Variants in ZDHHC18 observed in about 807,000 individuals in gnomAD.
The protein encoded by ZDHHC18 is palmitoyltransferase ZDHHC18.
ZDHHC18 carries 23 observed loss-of-function variants against 37.5 expected under a neutral mutation model. The ratio of observed to expected loss-of-function variants is 0.61; its 90% CI spans 0.44 to 0.87. The LOEUF is 0.87. Ranked by LOEUF, ZDHHC18 falls within the 40% of genes least tolerant of loss-of-function variation. The pLI is 0.00. For synonymous variants in ZDHHC18, 185 were observed against 218.7 expected, an observed-to-expected ratio of 0.85 and a Z score of 1.36; for missense variants, 406 against 525.6, an observed-to-expected ratio of 0.77 and a Z score of 2.22.
chr1:26,827,861 C>T (rs964545014), intron 1 of ZDHHC18, among the ~76,000 whole-genome samples: 1 of 152,146 alleles, frequency 6.6e-6, no homozygotes, highest in Non-Finnish European at 1.5e-5. Flanking sequence ...TCAGATCCCG[C>T]CCGCCTCCAC....
chr1:26,840,889 T>C (rs1288308568), intron 2 of ZDHHC18, among the ~76,000 whole-genome samples: 4 of 151,390 alleles, frequency 2.6e-5, no homozygotes, highest in African/African-American at 9.7e-5. Context: ...TAGTTATCTC[T>C]CTTGTTAGGT....
chr1:26,856,538 TG>T lies in ZDHHC18; in HGVS notation c.*2699del. ...TGGAAGAGGAGGTGGAGGGTGAGGC[TG>T]GGGAGAGGATGGCGAACCTGCCCTG... On this transcript the variant is annotated 3_prime_UTR_variant, in exon 8 of 8. Coordinates refer to ENST00000374142, the MANE Select transcript of ZDHHC18 (RefSeq NM_032283.3). This position sits in a 1 kb window ranked among gnomAD's most constrained non-coding sequence, Gnocchi z 5.2. 4.8e-6 allele frequency: 1 copy of T among 207,462 alleles called. No individual in the cohort carries two copies. The highest frequency in any genetic ancestry group is 1.1e-5 in the Non-Finnish European group (1 of 94,554). The allele number at this position is 207,462 out of a possible 1,614,324, so 12.9% of individuals were successfully genotyped here.
In ZDHHC18 at chr1:26,832,447, C is replaced by A. The variant is rs1279707426; in HGVS notation, c.336C>A (p.Asp112Glu). 1.2e-6 allele frequency: 2 copies of A among 1,613,942 alleles called. No individual in the cohort carries two copies. ...GATCTCTCTCCATCTCTCGTTCTAG[C>A]TGTCCCTACCTGGCTCGCAAGCTGA... ...LTTTGLFFVF[D>E]CPYLARKLTL... The change falls in exon 2 of 8, where the codon GAC becomes GAA. Residue 112 changes from aspartate to glutamate, a missense_variant and splice_region_variant. By Grantham distance (45) the Asp-to-Glu change is conservative. Transcript: ENST00000374142.
At chr1:26,848,907 C>A in intron 3 of ZDHHC18, 150 bp downstream of exon 3, 1 of 1,177,576 alleles carries the variant, frequency 8.5e-7, no homozygotes, top group Admixed American at 2.3e-5. Context: ...TTTGCCCTGA[C>A]TCAGGAGGGC....
chr1:26,835,469 G>T (rs553907631), intron 2 of ZDHHC18, among the ~76,000 whole-genome samples: 1 of 152,188 alleles, frequency 6.6e-6, no homozygotes, highest in African/African-American at 2.4e-5. Context: ...TTGGGAGGCC[G>T]AGGCGGGCGG....
At chr1:26,851,266 CA>C in intron 6 of ZDHHC18, 35 bp downstream of exon 6, 1 of 1,599,764 alleles carries the variant, frequency 6.3e-7, no homozygotes, top group Non-Finnish European at 8.6e-7. Flanking sequence ...CATTCTAGGG[CA>C]GCGCCCTCAG....
Position 26,850,289 on chromosome 1 carries a change from G to A in ZDHHC18, c.647-12G>A, listed in dbSNP as rs780696464. ...AGCCCACACTAACCCATCGCCCCTT[G>A]CCCTTGTCCAGAACGATTTGACCAT... On this transcript the variant is annotated splice_polypyrimidine_tract_variant and intron_variant, in intron 3 of 7. Coordinates refer to ENST00000374142, the MANE Select transcript of ZDHHC18 (RefSeq NM_032283.3). This position sits in a 1 kb window ranked among gnomAD's most constrained non-coding sequence, Gnocchi z 6.1. The A allele has an allele frequency of 6.2e-7, 1 of 1,613,858 alleles. No individual in the cohort carries two copies. The highest frequency in any genetic ancestry group is 8.5e-7 in the Non-Finnish European group (1 of 1,179,896).
intron 2 of ZDHHC18, among the ~76,000 whole-genome samples, chr1:26,835,914 G>A (rs995574980): frequency 6.6e-6 from 1 of 152,136 alleles, no homozygotes; most frequent in Admixed American, 6.5e-5. Context: ...TCTGGCCCAG[G>A]GCTCCTGCCC....
At position 26,850,679 on chromosome 1, in the gene ZDHHC18, C is replaced by T. The variant is rs2081698620; in HGVS notation, c.833+73C>T. On this transcript the variant is annotated intron_variant, in intron 5 of 7. Coordinates refer to ENST00000374142, the MANE Select transcript of ZDHHC18 (RefSeq NM_032283.3). The surrounding 1 kb of genome is among the most constrained non-coding windows in gnomAD (Gnocchi z 6.1). ...TCACTGGGTGGGTGCCCTGCCTCAT[C>T]CTCTAATCAGAAGGGAACAGCGTAC... 1 of 1,539,528 alleles carries T rather than the reference C, an allele frequency of 6.5e-7. No homozygotes were observed. Among genetic ancestry groups the T allele is most frequent in the Non-Finnish European group, 8.9e-7 (1 of 1,118,348 alleles).
chr1:26,838,689 C>T (rs541124520), intron 2 of ZDHHC18, among the ~76,000 whole-genome samples: 5 of 152,240 alleles, frequency 3.3e-5, no homozygotes, highest in Non-Finnish European at 7.3e-5. Flanking sequence ...TAACAATTGG[C>T]CATGCCAGGG....
At chr1:26,835,297 C>T (rs1054259646) in intron 2 of ZDHHC18, among the ~76,000 whole-genome samples, 6 of 152,186 alleles carry the variant, frequency 3.9e-5, no homozygotes, top group Admixed American at 6.5e-5. Context: ...CTTTTCTTGG[C>T]GAACAGGTGC....
rs1233342256 is a variant in ZDHHC18 at position 26,846,272 on chromosome 1, A to ATGTGTGTGTGTG, written c.497-2328_497-2317dup. Reference sequence around the variant, plus strand: ...TAGATATATATCTCTATAGAGATATATGTGTGTGTGTGTGTGTGTATATAT... The same window carrying ATGTGTGTGTGTG: ...TAGATATATATCTCTATAGAGATATATGTGTGTGTGTGTGTGTGTGTGTGTGTGTGTATATAT... On this transcript the variant is annotated intron_variant, in intron 2 of 7. Transcript: ENST00000374142. Among the ~76,000 whole-genome samples the ATGTGTGTGTGTG allele has an allele frequency of 9.2e-3, 778 of 84,780 alleles. 3 individuals carry two copies. Among genetic ancestry groups the ATGTGTGTGTGTG allele is most frequent in the Non-Finnish European group, 0.013 (607 of 48,120 alleles). 55.6% of individuals were successfully genotyped at this position (84,780 alleles called of 152,430 possible). A position where few individuals can be genotyped will look rare whatever the true frequency, so the allele number is the denominator to read the frequency against.
chr1:26,840,991 G>A lies in ZDHHC18; in HGVS notation c.497-7617G>A, dbSNP rs575280625. On this transcript the variant is annotated intron_variant, in intron 2 of 7. Transcript: ENST00000374142. Reference sequence around the variant, plus strand: ...CATACAGCTAATTTTTTGGGGGGAGGGGGGGACAGAGTTTTGCTCTTGGCA... The same window carrying A: ...CATACAGCTAATTTTTTGGGGGGAGAGGGGGACAGAGTTTTGCTCTTGGCA... 2.5e-4 allele frequency among the ~76,000 whole-genome samples: 37 copies of A among 150,258 alleles called. No individual in the cohort carries two copies. The South Asian group carries it at 6.3e-3, about 26-fold the overall frequency.
rs546163594 is a variant in ZDHHC18, at chr1:26,841,202, T to C, written c.497-7406T>C. On this transcript the variant is annotated intron_variant, in intron 2 of 7. Transcript: ENST00000374142. ...ATGTTTAAGGCTGGTCTCGAACTCC[T>C]GACCTCAGACAGGTGATCCACCTGC... Among the ~76,000 whole-genome samples the C allele has an allele frequency of 1.2e-4, 19 of 152,338 alleles. 1 individual carries two copies. The East Asian group carries it at 3.3e-3, about 26-fold the overall frequency.
At chr1:26,828,607 A>G (rs1228817034) in intron 1 of ZDHHC18, among the ~76,000 whole-genome samples, 1 of 152,098 alleles carries the variant, frequency 6.6e-6, no homozygotes, top group Admixed American at 6.6e-5. Flanking sequence ...TAGCTGCCAG[A>G]TCATGTATCT....
chr1:26,847,705 A>G (rs954999705), intron 2 of ZDHHC18, among the ~76,000 whole-genome samples: 4 of 149,376 alleles, frequency 2.7e-5, no homozygotes, highest in African/African-American at 4.9e-5. Flanking sequence ...TTTTTAAGAC[A>G]GGTTCTGGCT....
chr1:26,828,576 C>G (rs1206332762), intron 1 of ZDHHC18, among the ~76,000 whole-genome samples: 1 of 152,024 alleles, frequency 6.6e-6, no homozygotes, highest in Non-Finnish European at 1.5e-5. Context: ...CATAGAGACA[C>G]CCGCCCCCAG....
At chr1:26,848,580 C>T (rs2081685073) in intron 2 of ZDHHC18, 28 bp from the exon 3 acceptor site, 3 of 1,599,276 alleles carry the variant, frequency 1.9e-6, no homozygotes, top group East Asian at 4.5e-5. Flanking sequence ...CTTGGGCATT[C>T]CCCATCTTTC....
chr1:26,828,341 G>A (rs951549226), intron 1 of ZDHHC18, among the ~76,000 whole-genome samples: 2 of 151,812 alleles, frequency 1.3e-5, no homozygotes, highest in Non-Finnish European at 2.9e-5. Flanking sequence ...CACTAATTGC[G>A]TGACCTCAGG....
Sources: allele counts gnomAD v4.1 joint callset (sites outside exome capture counted in the v4.1 genomes callset), GRCh38; gene constraint gnomAD v4.1.1; non-coding constraint Gnocchi (gnomAD v3.1); transcripts MANE v1.5; gene names NCBI Gene and HGNC (gene_info 2026-07-23, HGNC 2026-07-21).